SDK1: variants seen among roughly 807,000 people sequenced by gnomAD.
SDK1 encodes the protein sidekick cell adhesion molecule 1, also known as protein sidekick-1.
In SDK1, 157 loss-of-function variants were observed where a neutral mutation model predicts 245.5. The observed-to-expected ratio is 0.64, with a 90% CI of 0.56 to 0.73. SDK1 has a LOEUF of 0.73. Among genes scored for constraint, SDK1 ranks in the 30% least tolerant of loss-of-function variants. SDK1 has a pLI of 0.00. For synonymous variants in SDK1, 1,647 were observed against 1,278.5 expected (o/e 1.29, Z -6.15); for missense variants, 3,583 against 3,002.3 (o/e 1.19, Z -4.52).
At chr7:3,784,392 TTAAATA>T (rs1282999784) in intron 4 of SDK1, among the ~76,000 whole-genome samples, 1 of 152,050 alleles carries the variant, frequency 6.6e-6, no homozygotes, top group African/African-American at 2.4e-5. Context: ...GATTAAAGTC[TTAAATA>T]TAAGATGAGA....
intron 1 of SDK1, among the ~76,000 whole-genome samples, chr7:3,584,924 C>T (rs182074926): frequency 1.3e-5 from 2 of 152,128 alleles, no homozygotes; most frequent in Non-Finnish European, 2.9e-5. Flanking sequence ...CGGAGTTTCA[C>T]CGTGTTAGCC....
chr7:4,178,575 T>C lies in SDK1; in HGVS notation c.5087T>C (p.Val1696Ala). The C allele has an allele frequency of 1.2e-6, 2 of 1,611,138 alleles. No homozygotes were observed. Among genetic ancestry groups the C allele is most frequent in the Non-Finnish European group, 1.7e-6 (2 of 1,179,592 alleles). Reference protein sequence around the residue: ...SPASAPVEVFVGEAAPAMAPQ... With the variant: ...SPASAPVEVFAGEAAPAMAPQ... ...GCCAGCGCGCCCGTGGAGGTCTTTG[T>C]CGGCGAGGCTGGTAAGCTCCGTGCA... Residue 1696 changes from valine to alanine, a missense_variant, in exon 35 of 45, where the codon GTC becomes GCC. Coordinates refer to ENST00000404826, the MANE Select transcript of SDK1 (RefSeq NM_152744.4).
intron 11 of SDK1, among the ~76,000 whole-genome samples, chr7:3,970,564 T>C (rs913766567): frequency 1.3e-5 from 2 of 152,222 alleles, no homozygotes; most frequent in Non-Finnish European, 2.9e-5. Flanking sequence ...AGCAGTAGGA[T>C]ATTAAAAAGC....
intron 28 of SDK1, among the ~76,000 whole-genome samples, chr7:4,139,695 G>T (rs79696826): frequency 3.4e-5 from 2 of 58,396 alleles, no homozygotes; most frequent in Non-Finnish European, 7.5e-5. Flanking sequence ...GTGTGTATGT[G>T]TGTGTGTGTA....
intron 5 of SDK1, among the ~76,000 whole-genome samples, chr7:3,913,199 G>A (rs573747402): frequency 5.3e-5 from 8 of 152,176 alleles, no homozygotes; most frequent in Admixed American, 2.6e-4. Context: ...CTCCTGGCTC[G>A]CGCTAAGCGT....
intron 40 of SDK1, among the ~76,000 whole-genome samples, chr7:4,224,982 C>CAAAAA (rs3038664): frequency 2.1e-4 from 9 of 43,746 alleles, no homozygotes; most frequent in Non-Finnish European, 3.7e-4. Flanking sequence ...GACTCTGTCT[C>CAAAAA]AAAAAAAAAA....
intron 2 of SDK1, among the ~76,000 whole-genome samples, chr7:3,629,744 C>A (rs1240832062): frequency 6.6e-6 from 1 of 152,146 alleles, no homozygotes; most frequent in Admixed American, 6.5e-5. Context: ...CAGTACCCAA[C>A]AAGGGAAAAT....
At chr7:4,189,436 C>T (rs891954663) in intron 35 of SDK1, among the ~76,000 whole-genome samples, 8 of 152,228 alleles carry the variant, frequency 5.3e-5, no homozygotes, top group Non-Finnish European at 8.8e-5. Context: ...CTTTTTTCCA[C>T]ACCCAATGGG....
chr7:4,150,887 G>A (rs186693789), intron 30 of SDK1, among the ~76,000 whole-genome samples: 5 of 152,366 alleles, frequency 3.3e-5, no homozygotes, highest in South Asian at 2.1e-4. Context: ...AGGGGTGGCC[G>A]ACCGGGCGTC....
chr7:4,208,841 G>A (rs931288889), intron 37 of SDK1, among the ~76,000 whole-genome samples: 2 of 152,238 alleles, frequency 1.3e-5, no homozygotes, highest in African/African-American at 4.8e-5. Flanking sequence ...CACGCACAGG[G>A]CGCAGCGCCT....
intron 4 of SDK1, among the ~76,000 whole-genome samples, chr7:3,697,300 T>A (rs932295286): frequency 2.0e-5 from 3 of 152,220 alleles, no homozygotes; most frequent in Non-Finnish European, 4.4e-5. Context: ...TACTCATCCC[T>A]TTCTTTCCCG....
At chr7:4,182,333 G>A (rs1782647653) in intron 35 of SDK1, among the ~76,000 whole-genome samples, 1 of 152,194 alleles carries the variant, frequency 6.6e-6, no homozygotes, top group African/African-American at 2.4e-5. Context: ...CAGCAGCGGG[G>A]CTGCCTTCTC....
At chr7:4,073,250 G>C (rs1321325868) in intron 20 of SDK1, among the ~76,000 whole-genome samples, 1 of 152,150 alleles carries the variant, frequency 6.6e-6, no homozygotes, top group Non-Finnish European at 1.5e-5. Flanking sequence ...TCCCCCAAAA[G>C]CTGTTGTTCA....
intron 14 of SDK1, among the ~76,000 whole-genome samples, chr7:4,006,322 A>G (rs976132733): frequency 6.6e-6 from 1 of 152,208 alleles, no homozygotes; most frequent in Non-Finnish European, 1.5e-5. Context: ...GGGGAAGTGT[A>G]AAATCCCTCA....
At chr7:4,118,092 C>T (rs1203260182) in intron 25 of SDK1, among the ~76,000 whole-genome samples, 1 of 152,026 alleles carries the variant, frequency 6.6e-6, no homozygotes, top group Non-Finnish European at 1.5e-5. Context: ...TACATTAGAC[C>T]TCATCAGAAT....
Position 4,267,811 on chromosome 7 carries a change from G to A in SDK1, c.*2427G>A, listed in dbSNP as rs760178732. 1.5e-5 allele frequency: 15 copies of A among 985,456 alleles called. No homozygotes were observed. Among genetic ancestry groups the A allele is most frequent in the Non-Finnish European group, 1.7e-5 (14 of 830,082 alleles). The allele number at this position is 985,456 out of a possible 1,614,324, so 61.0% of individuals were successfully genotyped here. A position where few individuals can be genotyped will look rare whatever the true frequency, so the allele number is the denominator to read the frequency against. On this transcript the variant is annotated 3_prime_UTR_variant, in exon 45 of 45. Transcript: ENST00000404826. ...TTGATCTGTACGGAGCGGCCTGTCC[G>A]AGGCTACGCCGGCCTCCTGGCTGCT...
intron 4 of SDK1, among the ~76,000 whole-genome samples, chr7:3,749,548 C>T (rs569752464): frequency 6.6e-6 from 1 of 152,332 alleles, no homozygotes; most frequent in East Asian, 1.9e-4. Context: ...ATCCGCCCGC[C>T]TTGGCCTCCC....
At chr7:4,139,691 ATGTG>A (rs751924002) in intron 28 of SDK1, among the ~76,000 whole-genome samples, 6 of 110,522 alleles carry the variant, frequency 5.4e-5, no homozygotes, top group South Asian at 3.3e-4. Context: ...GTGTGTGTGT[ATGTG>A]TGTGTGTGTA....
At chr7:3,669,509 T>G (rs1189118900) in intron 4 of SDK1, among the ~76,000 whole-genome samples, 1 of 130,098 alleles carries the variant, frequency 7.7e-6, no homozygotes, top group Non-Finnish European at 1.6e-5. Context: ...AACCACTCTC[T>G]TCTTTTGAAT....
Sources: gnomAD v4.1 joint callset for allele counts (sites outside exome capture counted in the v4.1 genomes callset) on GRCh38, gnomAD v4.1.1 for gene constraint, MANE v1.5 for transcripts, NCBI Gene and HGNC (gene_info 2026-07-23, HGNC 2026-07-21) for gene names.